Variants in WARS2 observed in about 807,000 individuals in gnomAD.
The protein encoded by WARS2 is tryptophanyl tRNA synthetase 2, mitochondrial.
WARS2 carries 28 observed loss-of-function variants against 36.5 expected under a neutral mutation model. The observed-to-expected ratio is 0.77, with a 90% confidence interval of 0.57 to 1.05. The LOEUF (loss-of-function observed/expected upper bound fraction) is 1.05, where lower values mean the gene tolerates loss of function less well. WARS2 is among the 50% of genes least tolerant of loss of function. The probability of loss-of-function intolerance (pLI) is 0.00; values close to 1 mark genes in which losing one functional copy is unlikely to be tolerated. For missense variants in WARS2, 435 were observed against 456.8 expected, an observed-to-expected ratio of 0.95 and a Z score of 0.44; for synonymous variants, 174 against 178.4, an observed-to-expected ratio of 0.98 and a Z score of 0.20.
At chr1:119,074,649 A>T (rs1350123954) in intron 2 of WARS2, among the ~76,000 whole-genome samples, 1 of 152,232 alleles carries the variant, frequency 6.6e-6, no homozygotes, top group Non-Finnish European at 1.5e-5. Flanking sequence ...CAAAGTTGAT[A>T]ACTGCATTTA....
chr1:119,113,432 C>T (rs917938277), intron 1 of WARS2, among the ~76,000 whole-genome samples: 4 of 152,114 alleles, frequency 2.6e-5, no homozygotes, highest in South Asian at 2.1e-4. Flanking sequence ...ATTTGGCTTC[C>T]GTTGTAGCAG....
chr1:119,073,202 T>C (rs1651464290), intron 2 of WARS2, among the ~76,000 whole-genome samples: 1 of 151,186 alleles, frequency 6.6e-6, no homozygotes, highest in Middle Eastern at 3.4e-3. Context: ...GTGAGACAAA[T>C]AATGAAATGT....
At chr1:119,127,136 G>A in intron 1 of WARS2, 1 of 729,616 alleles carries the variant, frequency 1.4e-6, no homozygotes, top group East Asian at 2.5e-5. Context: ...TGATTCCTTG[G>A]GTCCTGGTGA....
In WARS2 at chr1:119,131,458, G is replaced by GTTTTTTTTTTTTTTTTTTTTTTTTT. The variant is rs761800862; in HGVS notation, c.90+9096_90+9097insAAAAAAAAAAAAAAAAAAAAAAAAA. On this transcript the variant is annotated intron_variant, in intron 1 of 5. Transcript: ENST00000235521. The stretch of plus-strand genomic sequence containing the variant: ...GGATCCGGACTGTGCAAAGTTTTTT[G>GTTTTTTTTTTTTTTTTTTTTTTTTT]TTTTTTGTTTTTTTTTTTTTTGAGA... 3.0e-5 allele frequency among the ~76,000 whole-genome samples: 4 copies of GTTTTTTTTTTTTTTTTTTTTTTTTT among 134,302 alleles called. 1 individual carries two copies. The allele number at this position is 134,302 out of a possible 152,430, so 88.1% of individuals were successfully genotyped here.
At chr1:119,067,173 C>T (rs1222909377) in intron 2 of WARS2, among the ~76,000 whole-genome samples, 1 of 152,116 alleles carries the variant, frequency 6.6e-6, no homozygotes, top group Non-Finnish European at 1.5e-5. Flanking sequence ...ATGCCATTCA[C>T]AGTTTTAAAA....
At chr1:119,038,135 T>C (rs1272820751) in intron 4 of WARS2, among the ~76,000 whole-genome samples, 1 of 152,230 alleles carries the variant, frequency 6.6e-6, no homozygotes, top group East Asian at 1.9e-4. Context: ...GGCTGCAGCC[T>C]GGAAACTACA....
chr1:119,072,991 CA>C (rs35023397), intron 2 of WARS2, among the ~76,000 whole-genome samples: 3 of 148,736 alleles, frequency 2.0e-5, no homozygotes, highest in East Asian at 2.0e-4. Flanking sequence ...CCCATCTCTC[CA>C]AAAAAAAAGC....
At chr1:119,055,662 C>CA (rs1649720834) in intron 2 of WARS2, among the ~76,000 whole-genome samples, 1 of 132,828 alleles carries the variant, frequency 7.5e-6, no homozygotes, top group Non-Finnish European at 1.6e-5. Context: ...AACAAACAAA[C>CA]AAAAAACAGA....
In WARS2 at chr1:119,045,172, T is replaced by C. The variant is rs372795901; in HGVS notation, c.429+410A>G. Among the ~76,000 whole-genome samples, 12 of 152,344 alleles carry C rather than the reference T, an allele frequency of 7.9e-5. No individual in the cohort carries two copies. The South Asian group carries it at 2.5e-3, about 32-fold the overall frequency. On this transcript the variant is annotated intron_variant, in intron 3 of 5. Transcript: ENST00000235521. The stretch of plus-strand genomic sequence containing the variant: ...GTTGCCTGGACTCAACTTGTTTAAA[T>C]GTTAAATAAAATATGTTGTCTCTTC...
chr1:119,076,405 A>T lies in WARS2; in HGVS notation c.293T>A (p.Val98Asp), dbSNP rs1200942151. 1 of 1,614,186 alleles carries T rather than the reference A, an allele frequency of 6.2e-7. No individual in the cohort carries two copies. The highest frequency in any genetic ancestry group is 8.5e-7 in the Non-Finnish European group (1 of 1,180,028). Residue 98 changes from valine (V) to aspartate (D), a missense_variant, in exon 2 of 6, where the codon GTT (valine) becomes GAT (aspartate). By Grantham distance (152) the Val-to-Asp change is radical. Transcript: ENST00000235521. Reference sequence around the variant, plus strand: ...CGGGTTTATGCCACAGGCAAGAAGAACAGCAGTCATGTCCAGGATGCTCTG... The same window carrying T: ...CGGGTTTATGCCACAGGCAAGAAGATCAGCAGTCATGTCCAGGATGCTCTG... ...LRQSILDMTAVLLACGINPEK... is the reference protein window; with the variant it reads ...LRQSILDMTADLLACGINPEK...
chr1:119,068,643 G>C (rs1438789766), intron 2 of WARS2, among the ~76,000 whole-genome samples: 1 of 152,114 alleles, frequency 6.6e-6, no homozygotes, highest in Non-Finnish European at 1.5e-5. Flanking sequence ...CATCTGCAGA[G>C]TAACAGTGAA....
intron 1 of WARS2, among the ~76,000 whole-genome samples, chr1:119,077,121 G>A (rs1184891823): frequency 1.2e-5 from 1 of 86,658 alleles, no homozygotes; most frequent in Non-Finnish European, 2.2e-5. Context: ...CTAGGCAACA[G>A]AGCGAGACCC....
At chr1:119,095,686 C>T (rs1333255865) in intron 1 of WARS2, among the ~76,000 whole-genome samples, 4 of 152,208 alleles carry the variant, frequency 2.6e-5, no homozygotes, top group African/African-American at 9.7e-5. Context: ...CTGCCTCGGC[C>T]TCCCAAAGTG....
At chr1:119,034,310 G>T in intron 4 of WARS2, 97 bp from the exon 5 acceptor site, 1 of 993,152 alleles carries the variant, frequency 1.0e-6, no homozygotes, top group Non-Finnish European at 1.6e-6. Flanking sequence ...ATATTTCACT[G>T]TTGGTATTCA....
chr1:119,119,248 A>G (rs1252708356), intron 1 of WARS2, among the ~76,000 whole-genome samples: 2 of 152,188 alleles, frequency 1.3e-5, no homozygotes, highest in Non-Finnish European at 2.9e-5. Flanking sequence ...GCAAATGGAC[A>G]CCAAAAGTGA....
At chr1:119,090,276 G>A (rs587613657) in intron 1 of WARS2, among the ~76,000 whole-genome samples, 1 of 152,308 alleles carries the variant, frequency 6.6e-6, no homozygotes, top group Admixed American at 6.5e-5. Flanking sequence ...ACAGGGTGGA[G>A]GTGAGGAGCC....
At chr1:119,091,933 A>G (rs1653077661) in intron 1 of WARS2, among the ~76,000 whole-genome samples, 1 of 152,258 alleles carries the variant, frequency 6.6e-6, no homozygotes, top group South Asian at 2.1e-4. Context: ...AAAATGACAC[A>G]GAAAACAGGC....
chr1:119,046,285 GT>G (rs71070781), intron 2 of WARS2, among the ~76,000 whole-genome samples: 10,186 of 100,836 alleles, frequency 0.1, 344 homozygotes, highest in South Asian at 0.16. Context: ...CTCCTTTTCT[GT>G]TTTTTTTTTT....
chr1:119,060,819 A>G (rs555418396), intron 2 of WARS2, among the ~76,000 whole-genome samples: 2 of 152,352 alleles, frequency 1.3e-5, no homozygotes, highest in South Asian at 4.1e-4. Flanking sequence ...TTGAAGAATG[A>G]AAAAACAAAG....
Sources: gnomAD v4.1 joint callset for allele counts (sites outside exome capture counted in the v4.1 genomes callset) on GRCh38, gnomAD v4.1.1 for gene constraint, MANE v1.5 for transcripts, NCBI Gene and HGNC (gene_info 2026-07-23, HGNC 2026-07-21) for gene names.